The following PICALM variants were observed in gnomAD, a reference collection of about 807,000 sequenced individuals.
The protein encoded by PICALM is phosphatidylinositol binding clathrin assembly protein, also known as phosphatidylinositol-binding clathrin assembly protein.
PICALM carries 40 observed loss-of-function variants against 80.5 expected under a neutral mutation model. The observed-to-expected ratio is 0.50, with a 90% CI of 0.39 to 0.65. The LOEUF (loss-of-function observed/expected upper bound fraction) is 0.65. Ranked by LOEUF, PICALM falls within the 30% of genes least tolerant of loss-of-function variation. The pLI is 0.00. For missense variants in PICALM, 676 were observed against 778.9 expected (o/e 0.87, Z 1.57); for synonymous variants, 288 against 260.3 (o/e 1.11, Z -1.02).
chr11:85,959,251 A>G (rs942624010), intron 19 of PICALM, among the ~76,000 whole-genome samples, 191 bp from the exon 20 acceptor site: 2 of 152,178 alleles, frequency 1.3e-5, no homozygotes, highest in Non-Finnish European at 2.9e-5. Context: ...TGACACATAT[A>G]GGGACTTCCA....
At chr11:85,987,238 T>C (rs2094600007) in intron 13 of PICALM, among the ~76,000 whole-genome samples, 1 of 152,184 alleles carries the variant, frequency 6.6e-6, no homozygotes, top group Non-Finnish European at 1.5e-5. Context: ...TATCCCTGTT[T>C]TACAGATGAG....
intron 19 of PICALM, among the ~76,000 whole-genome samples, chr11:85,967,024 C>T (rs186827724): frequency 2.0e-4 from 30 of 152,280 alleles, no homozygotes; most frequent in Admixed American, 3.9e-4. Flanking sequence ...GTTTGTGGTA[C>T]ACTTTGTTAC....
chr11:86,068,199 A>G (rs2096473410), intron 1 of PICALM, among the ~76,000 whole-genome samples: 1 of 152,194 alleles, frequency 6.6e-6, no homozygotes, highest in Non-Finnish European at 1.5e-5. Context: ...ATCTGGATGC[A>G]AGGAACCAGG....
chr11:85,983,752 C>A (rs867421736), intron 14 of PICALM, 114 bp downstream of exon 14: 2 of 501,528 alleles, frequency 4.0e-6, no homozygotes, highest in Non-Finnish European at 3.5e-6. Flanking sequence ...GGGACAATTT[C>A]TTTGGCTACC....
chr11:86,016,610 A>T (rs996464058), intron 4 of PICALM, among the ~76,000 whole-genome samples: 4 of 152,172 alleles, frequency 2.6e-5, no homozygotes, highest in Admixed American at 6.5e-5. Context: ...GGCTGAGCAA[A>T]CACCTAACTA....
At position 85,981,229 on chromosome 11, in the gene PICALM, C is replaced by T; in HGVS notation, c.1680-1G>A. On this transcript the variant is annotated splice_acceptor_variant, in intron 16 of 19. Coordinates refer to ENST00000393346, the MANE Select transcript of PICALM (RefSeq NM_007166.4). LOFTEE classifies it high-confidence loss of function. ...ACCTGGTTGACTCCAATTTACATCA[C>T]TTTAAATAAACATAAGTGAGAATAT... The T allele has an allele frequency of 6.7e-7, 1 of 1,494,116 alleles. No homozygotes were observed. Among genetic ancestry groups the T allele is most frequent in the Non-Finnish European group, 9.3e-7 (1 of 1,070,918 alleles). 92.6% of individuals were successfully genotyped at this position (1,494,116 alleles called of 1,614,324 possible).
intron 8 of PICALM, among the ~76,000 whole-genome samples, chr11:86,005,262 T>C (rs2136173550): frequency 6.6e-6 from 1 of 152,344 alleles, no homozygotes; most frequent in East Asian, 1.9e-4. Context: ...ATAGAAACTG[T>C]AGTTTATCTT....
intron 1 of PICALM, among the ~76,000 whole-genome samples, chr11:86,040,069 A>G (rs1163984889): frequency 2.0e-5 from 3 of 151,828 alleles, no homozygotes; most frequent in Non-Finnish European, 2.9e-5. Context: ...GAGATCAGAA[A>G]TATAGAAATA....
At chr11:85,959,232 C>T (rs188038729) in intron 19 of PICALM, among the ~76,000 whole-genome samples, 172 bp from the exon 20 acceptor site, 10 of 152,282 alleles carry the variant, frequency 6.6e-5, no homozygotes, top group Admixed American at 3.9e-4. Flanking sequence ...TGCCAGAAAG[C>T]TCAATATTTG....
At chr11:86,011,215 G>A (rs899618026) in intron 6 of PICALM, 79 bp from the exon 7 acceptor site, 3 of 640,164 alleles carry the variant, frequency 4.7e-6, no homozygotes, top group East Asian at 5.5e-5. Flanking sequence ...GTAGGTAATA[G>A]CTCCAAATAG....
chr11:85,989,995 G>A, intron 13 of PICALM, among the ~76,000 whole-genome samples: 1 of 79,644 alleles, frequency 1.3e-5, no homozygotes, highest in Non-Finnish European at 2.3e-5. Flanking sequence ...TAACACGACA[G>A]AGAACCAAAC....
At chr11:85,981,108 T>C in intron 17 of PICALM, 21 bp downstream of exon 17, 1 of 1,157,778 alleles carries the variant, frequency 8.6e-7, no homozygotes, top group Non-Finnish European at 1.3e-6. Flanking sequence ...TGTTAGTCTA[T>C]CAGGAGCTTT....
chr11:86,004,829 G>A (rs1160944269), intron 8 of PICALM, among the ~76,000 whole-genome samples: 3 of 152,166 alleles, frequency 2.0e-5, no homozygotes, highest in East Asian at 1.9e-4. Context: ...GGGAGACACA[G>A]TAGAAAACCA....
At chr11:86,029,184 T>C (rs1041880179) in intron 2 of PICALM, among the ~76,000 whole-genome samples, 4 of 152,058 alleles carry the variant, frequency 2.6e-5, no homozygotes, top group Non-Finnish European at 4.4e-5. Flanking sequence ...CCCTGGCCTT[T>C]ACCTACTATA....
Position 85,976,615 on chromosome 11 carries a change from ATACT to A in PICALM, c.1839+4_1839+7del. The A allele has an allele frequency of 6.4e-7, 1 of 1,554,370 alleles. No individual in the cohort carries two copies. The highest frequency in any genetic ancestry group is 8.9e-7 in the Non-Finnish European group (1 of 1,125,718). On this transcript the variant is annotated splice_donor_5th_base_variant and intron_variant, in intron 18 of 19. Transcript: ENST00000393346. Reference sequence around the variant, plus strand: ...TTTTCCAAAAGCTGTACCTAGGAAAATACTTACAATTCCATATCCTATCATGCCT... The same window carrying A: ...TTTTCCAAAAGCTGTACCTAGGAAAATACAATTCCATATCCTATCATGCCT...
intron 1 of PICALM, among the ~76,000 whole-genome samples, chr11:86,048,985 G>C (rs567852419): frequency 6.6e-6 from 1 of 151,438 alleles, no homozygotes; most frequent in Non-Finnish European, 1.5e-5. Flanking sequence ...GGGAGGCAAA[G>C]TGACCACGTA....
chr11:86,053,715 G>A (rs2096227975), intron 1 of PICALM, among the ~76,000 whole-genome samples: 1 of 152,044 alleles, frequency 6.6e-6, no homozygotes, highest in African/African-American at 2.4e-5. Context: ...CTACAGGTGT[G>A]TGCCACCATG....
chr11:85,964,399 G>A (rs1383310196), intron 19 of PICALM, among the ~76,000 whole-genome samples: 1 of 152,166 alleles, frequency 6.6e-6, no homozygotes, highest in Non-Finnish European at 1.5e-5. Context: ...TGCCTGGAAT[G>A]ACAGTGCCAG....
intron 9 of PICALM, 135 bp downstream of exon 9, chr11:86,003,231 A>G (rs1481337126): frequency 1.3e-5 from 7 of 519,246 alleles, no homozygotes; most frequent in African/African-American, 1.1e-4. Flanking sequence ...TATGAGGCTG[A>G]TATTATGATT....
Sources: gnomAD v4.1 joint callset for allele counts (sites outside exome capture counted in the v4.1 genomes callset) on GRCh38, gnomAD v4.1.1 for gene constraint, MANE v1.5 for transcripts, NCBI Gene and HGNC (gene_info 2026-07-23, HGNC 2026-07-21) for gene names.